Variants in TTLL1 observed in about 807,000 individuals in gnomAD.
TTLL1 encodes polyglutamylase complex subunit TTLL1.
A neutral mutation model predicts 47.8 loss-of-function variants in TTLL1; 33 were observed. That is an observed-to-expected ratio of 0.69 (90% CI 0.52 to 0.92). The LOEUF (loss-of-function observed/expected upper bound fraction) is 0.92. TTLL1 is among the 40% of genes least tolerant of loss of function. The pLI is 0.00. For missense variants in TTLL1, 488 were observed against 547.5 expected, an observed-to-expected ratio of 0.89 and a Z score of 1.08; for synonymous variants, 225 against 214.1, an observed-to-expected ratio of 1.05 and a Z score of -0.45.
At chr22:43,049,206 A>G (rs1448018900) in intron 9 of TTLL1, among the ~76,000 whole-genome samples, 1 of 151,710 alleles carries the variant, frequency 6.6e-6, no homozygotes, top group African/African-American at 2.4e-5. Flanking sequence ...AGGCAGGAGG[A>G]TCACTTGAGC....
rs1172856809 is a variant in TTLL1, at chr22:43,051,890, G to A, written c.892-3C>T. On this transcript the variant is annotated splice_polypyrimidine_tract_variant and splice_region_variant and intron_variant, in intron 8 of 10. Coordinates refer to ENST00000266254, the MANE Select transcript of TTLL1 (RefSeq NM_012263.5). Reference sequence around the variant, plus strand: ...TGCTTGTCATTGTTCATCACCGGCTGGAGAGAGAGTGACCAGTGGGTGACA... The same window carrying A: ...TGCTTGTCATTGTTCATCACCGGCTAGAGAGAGAGTGACCAGTGGGTGACA... The A allele has an allele frequency of 1.2e-6, 2 of 1,613,686 alleles. No homozygotes were observed. The highest frequency in any genetic ancestry group is 8.5e-7 in the Non-Finnish European group (1 of 1,179,876).
intron 9 of TTLL1, among the ~76,000 whole-genome samples, chr22:43,047,992 TA>T (rs1926279523): frequency 6.6e-6 from 1 of 152,146 alleles, no homozygotes; most frequent in Non-Finnish European, 1.5e-5. Flanking sequence ...CATAATACTA[TA>T]ATTCTTATTA....
chr22:43,069,547 A>G, intron 4 of TTLL1, 89 bp downstream of exon 4: 1 of 1,577,594 alleles, frequency 6.3e-7, no homozygotes. Context: ...CACGCATCAA[A>G]GCCAACAGTC....
At chr22:43,067,570 T>A (rs935039276) in intron 5 of TTLL1, among the ~76,000 whole-genome samples, 1 of 151,504 alleles carries the variant, frequency 6.6e-6, no homozygotes, top group Non-Finnish European at 1.5e-5. Flanking sequence ...TTGGGCAGAG[T>A]CTGGGACTAA....
rs768431545 is a variant in TTLL1 at position 43,051,785 on chromosome 22, G to A, written c.978+16C>T. 3.1e-6 allele frequency: 5 copies of A among 1,613,470 alleles called. No individual in the cohort carries two copies. The highest frequency in any genetic ancestry group is 1.3e-5 in the African/African-American group (1 of 75,010). On this transcript the variant is annotated intron_variant, in intron 9 of 10. Coordinates refer to ENST00000266254, the MANE Select transcript of TTLL1 (RefSeq NM_012263.5). ...CTATGTGTGGTGTGACCAGGTGCAG[G>A]TGCTCCCGCAGTTACCTCGATCAGC... is the stretch of plus-strand genomic sequence containing the variant.
intron 3 of TTLL1, among the ~76,000 whole-genome samples, chr22:43,071,409 TTTTG>T (rs540107012): frequency 6.6e-6 from 1 of 152,112 alleles, no homozygotes; most frequent in East Asian, 1.9e-4. Flanking sequence ...TTTTGTTTTG[TTTTG>T]TTTATTTGTT....
intron 1 of TTLL1, among the ~76,000 whole-genome samples, chr22:43,087,635 C>T: frequency 6.6e-6 from 1 of 150,858 alleles, no homozygotes; most frequent in East Asian, 1.9e-4. Context: ...GTCAGGAATT[C>T]AAAACCAGCC....
At chr22:43,081,057 A>G (rs1235648721) in intron 1 of TTLL1, among the ~76,000 whole-genome samples, 1 of 151,598 alleles carries the variant, frequency 6.6e-6, no homozygotes, top group African/African-American at 2.4e-5. Flanking sequence ...CTGGGATTAC[A>G]GGAGCCCATC....
At chr22:43,075,687 G>C in intron 2 of TTLL1, 97 bp from the exon 3 acceptor site, 1 of 1,042,344 alleles carries the variant, frequency 9.6e-7, no homozygotes, top group Non-Finnish European at 1.5e-6. Flanking sequence ...TCCCAAACTC[G>C]ATCTTACCCC....
intron 1 of TTLL1, among the ~76,000 whole-genome samples, chr22:43,087,773 G>A (rs890598042): frequency 2.0e-4 from 30 of 147,548 alleles, no homozygotes; most frequent in African/African-American, 7.6e-4. Context: ...GGGAGGCAGA[G>A]GTTGCAGTGA....
At chr22:43,086,084 G>C (rs1929210819) in intron 1 of TTLL1, among the ~76,000 whole-genome samples, 2 of 152,138 alleles carry the variant, frequency 1.3e-5, no homozygotes, top group African/African-American at 4.8e-5. Context: ...CCTTAGAAAA[G>C]TAAATAAATA....
chr22:43,058,104 C>T (rs368939654), intron 8 of TTLL1, among the ~76,000 whole-genome samples: 5 of 152,086 alleles, frequency 3.3e-5, no homozygotes, highest in East Asian at 3.9e-4. Context: ...CTACCACGCC[C>T]GGCAAATTTT....
At position 43,039,530 on chromosome 22, in the gene TTLL1, G is replaced by C. The variant is rs1487385632; in HGVS notation, c.*246C>G. ...GAAGCTGTTACTTTCTGTCAAAAAAGTGAGTTTTTAATATGAAAATTCTGC... is the reference window on the plus strand; with the variant it reads ...GAAGCTGTTACTTTCTGTCAAAAAACTGAGTTTTTAATATGAAAATTCTGC... On this transcript the variant is annotated 3_prime_UTR_variant, in exon 11 of 11. Coordinates refer to ENST00000266254, the MANE Select transcript of TTLL1 (RefSeq NM_012263.5). 1 of 270,906 alleles carries C rather than the reference G, an allele frequency of 3.7e-6. No individual in the cohort carries two copies. Among genetic ancestry groups the C allele is most frequent in the African/African-American group, 2.3e-5 (1 of 44,186 alleles). The allele number at this position is 270,906 out of a possible 1,614,324, so 16.8% of individuals were successfully genotyped here. A position where few individuals can be genotyped will look rare whatever the true frequency, so the allele number is the denominator to read the frequency against.
intron 1 of TTLL1, among the ~76,000 whole-genome samples, chr22:43,083,510 G>A (rs2146995454): frequency 6.6e-6 from 1 of 152,238 alleles, no homozygotes; most frequent in East Asian, 1.9e-4. Flanking sequence ...AGATGGGCGG[G>A]TCACCTGAGG....
At chr22:43,060,785 G>A (rs1375663323) in intron 7 of TTLL1, among the ~76,000 whole-genome samples, 1 of 152,186 alleles carries the variant, frequency 6.6e-6, no homozygotes, top group Non-Finnish European at 1.5e-5. Flanking sequence ...ATTGTTAGGA[G>A]ACTACATTTC....
chr22:43,075,332 A>G, intron 3 of TTLL1, 142 bp downstream of exon 3: 1 of 728,268 alleles, frequency 1.4e-6, no homozygotes, highest in East Asian at 2.5e-5. Context: ...CTCACAAAAA[A>G]CCTTAAGGAA....
At position 43,039,569 on chromosome 22, in the gene TTLL1, T is replaced by TGAA. The variant is rs537490054; in HGVS notation, c.*206_*207insTTC. The TGAA allele has an allele frequency of 1.2e-5, 5 of 407,228 alleles. No individual in the cohort carries two copies. The highest frequency in any genetic ancestry group is 8.6e-5 in the African/African-American group (4 of 46,662). 25.2% of individuals were successfully genotyped at this position (407,228 alleles called of 1,614,324 possible). On this transcript the variant is annotated 3_prime_UTR_variant, in exon 11 of 11. Coordinates refer to ENST00000266254, the MANE Select transcript of TTLL1 (RefSeq NM_012263.5). ...TGAAAATTCTGCTTAGGTTAAAAAT[T>TGAA]AAAAAAAAAAGAGCGAGTTTTATAC... is the stretch of plus-strand genomic sequence containing the variant.
At chr22:43,062,275 G>A (rs1255542137) in intron 7 of TTLL1, among the ~76,000 whole-genome samples, 2 of 151,596 alleles carry the variant, frequency 1.3e-5, no homozygotes, top group Non-Finnish European at 2.9e-5. Context: ...GGTGGATCAC[G>A]AGGTCAAGAG....
chr22:43,082,822 T>C (rs1376002981), intron 1 of TTLL1, among the ~76,000 whole-genome samples: 1 of 151,240 alleles, frequency 6.6e-6, no homozygotes, highest in Non-Finnish European at 1.5e-5. Context: ...GAGACCAGCC[T>C]GGCCAACATG....
Sources: gnomAD v4.1 joint callset for allele counts (sites outside exome capture counted in the v4.1 genomes callset) on GRCh38, gnomAD v4.1.1 for gene constraint, MANE v1.5 for transcripts, NCBI Gene and HGNC (gene_info 2026-07-23, HGNC 2026-07-21) for gene names.